ISCA1: variants seen among roughly 807,000 people sequenced by gnomAD.
ISCA1 encodes iron-sulfur cluster assembly 1 homolog, mitochondrial.
ISCA1 carries 9 observed loss-of-function variants against 14.7 expected under a neutral mutation model. The ratio of observed to expected loss-of-function variants is 0.61; its 90% CI spans 0.37 to 1.07. The LOEUF (loss-of-function observed/expected upper bound fraction) is 1.07, where lower values mean the gene tolerates loss of function less well. Ranked by LOEUF, ISCA1 falls within the 50% of genes least tolerant of loss-of-function variation. The pLI is 0.01. For synonymous variants in ISCA1, 38 were observed against 54.3 expected, an observed-to-expected ratio of 0.70 and a Z score of 1.32; for missense variants, 102 against 150.1, an observed-to-expected ratio of 0.68 and a Z score of 1.67.
intron 1 of ISCA1, among the ~76,000 whole-genome samples, chr9:86,281,362 T>C (rs1288241421): frequency 6.6e-6 from 1 of 152,248 alleles, no homozygotes; most frequent in Non-Finnish European, 1.5e-5. Context: ...ATAGGCCCTT[T>C]TGGCATTAGA....
chr9:86,278,527 A>T (rs1825469668), intron 1 of ISCA1, among the ~76,000 whole-genome samples: 1 of 152,014 alleles, frequency 6.6e-6, no homozygotes, highest in African/African-American at 2.4e-5. Flanking sequence ...AAAAATTAGC[A>T]GTCAAGGTGA....
In ISCA1 at chr9:86,264,569, AT is replaced by A. The variant is rs375647754; in HGVS notation, c.*1473del. ...AATTTTATGATCACAAAGAGGCCAC[AT>A]TTTTTTTAATTGACAACTCAATCTC... On this transcript the variant is annotated 3_prime_UTR_variant, in exon 4 of 4. Transcript: ENST00000375991. 1,898 of 152,418 alleles carry A rather than the reference AT, an allele frequency of 0.012. 33 individuals carry two copies. The highest frequency in any genetic ancestry group is 0.042 in the African/African-American group (1,753 of 41,474). 9.4% of individuals were successfully genotyped at this position (152,418 alleles called of 1,614,324 possible). A position where few individuals can be genotyped will look rare whatever the true frequency, so the allele number is the denominator to read the frequency against.
intron 1 of ISCA1, among the ~76,000 whole-genome samples, chr9:86,280,432 A>T (rs377472789): frequency 8.6e-5 from 13 of 151,504 alleles, no homozygotes; most frequent in African/African-American, 2.7e-4. Context: ...AAAAATACAA[A>T]AATAAATAAA....
Position 86,265,316 on chromosome 9 carries a change from T to C in ISCA1, c.*727A>G, listed in dbSNP as rs1825281665. ...GTGGACAGGAGCCCTTTGGCTTCCC[T>C]GGGGTTTTGCTTCCTCACATAGGGA... On this transcript the variant is annotated 3_prime_UTR_variant, in exon 4 of 4. Transcript: ENST00000375991. 2 of 152,168 alleles carry C rather than the reference T, an allele frequency of 1.3e-5. No homozygotes were observed. Among genetic ancestry groups the C allele is most frequent in the African/African-American group, 4.8e-5 (2 of 41,414 alleles). 9.4% of individuals were successfully genotyped at this position (152,168 alleles called of 1,614,324 possible).
intron 1 of ISCA1, among the ~76,000 whole-genome samples, chr9:86,279,355 A>T (rs569683527): frequency 6.6e-6 from 1 of 152,356 alleles, no homozygotes; most frequent in Non-Finnish European, 1.5e-5. Context: ...TCTGTCTGCA[A>T]GCAGGGCACT....
chr9:86,269,087 C>G (rs1217673119), intron 3 of ISCA1, among the ~76,000 whole-genome samples: 1 of 152,164 alleles, frequency 6.6e-6, no homozygotes, highest in East Asian at 1.9e-4. Context: ...AGCCACCACG[C>G]CTGGCCAGTG....
At chr9:86,274,360 G>C in intron 1 of ISCA1, 118 bp from the exon 2 acceptor site, 1 of 678,650 alleles carries the variant, frequency 1.5e-6, no homozygotes. Context: ...TTCCATTCTT[G>C]CCAGGGTACC....
intron 1 of ISCA1, among the ~76,000 whole-genome samples, chr9:86,276,818 C>T (rs959296194): frequency 3.0e-5 from 4 of 131,522 alleles, no homozygotes; most frequent in African/African-American, 8.6e-5. Context: ...CTGCAGTAAG[C>T]CGAGATCATG....
chr9:86,275,219 T>TA (rs1825425847), intron 1 of ISCA1, among the ~76,000 whole-genome samples: 2 of 152,218 alleles, frequency 1.3e-5, no homozygotes, highest in South Asian at 4.1e-4. Flanking sequence ...TTATTATGAT[T>TA]ATGAGAGTAC....
rs146369084 is a variant in ISCA1 at position 86,282,517 on chromosome 9, C to G, written c.-59G>C. ...GAAGGTCGGCCGCCTCAGCTTCTCTCCATGGACACGGCGGGCGCATTGACG... is the reference window on the plus strand; with the variant it reads ...GAAGGTCGGCCGCCTCAGCTTCTCTGCATGGACACGGCGGGCGCATTGACG... On this transcript the variant is annotated 5_prime_UTR_variant, in exon 1 of 4. Coordinates refer to ENST00000375991, the MANE Select transcript of ISCA1 (RefSeq NM_030940.4). 2,801 of 1,549,666 alleles carry G rather than the reference C, an allele frequency of 1.8e-3. 29 individuals carry two copies. In the African/African-American group the frequency reaches 0.028, roughly 16 times the overall value.
At position 86,269,548 on chromosome 9, in the gene ISCA1, T is replaced by A. The variant is rs992402807; in HGVS notation, c.241+2459A>T. On this transcript the variant is annotated intron_variant, in intron 3 of 3. Coordinates refer to ENST00000375991, the MANE Select transcript of ISCA1 (RefSeq NM_030940.4). ...ATTTATAGATTCAATGCCATCCCCA[T>A]CAAGCTACCAATGACTTTCTTCACA... 1.2e-3 allele frequency among the ~76,000 whole-genome samples: 187 copies of A among 151,934 alleles called. 1 individual carries two copies. The highest frequency in any genetic ancestry group is 4.2e-3 in the African/African-American group (172 of 41,444).
intron 2 of ISCA1, among the ~76,000 whole-genome samples, chr9:86,272,337 G>C (rs751788092): frequency 6.6e-6 from 1 of 152,228 alleles, no homozygotes; most frequent in Non-Finnish European, 1.5e-5. Context: ...GAGCCACCCC[G>C]TCCAGCCTGG....
intron 1 of ISCA1, among the ~76,000 whole-genome samples, chr9:86,277,102 C>T (rs889124090): frequency 6.6e-6 from 1 of 152,030 alleles, no homozygotes; most frequent in Admixed American, 6.6e-5. Context: ...TTTGGTTTTA[C>T]AAAGTCATCT....
chr9:86,277,494 A>ATT (rs1422282057), intron 1 of ISCA1, among the ~76,000 whole-genome samples: 8 of 152,312 alleles, frequency 5.3e-5, no homozygotes, highest in African/African-American at 1.9e-4. Context: ...AAATCGAGCT[A>ATT]TAAGAGGTAC....
intron 3 of ISCA1, among the ~76,000 whole-genome samples, chr9:86,268,824 T>C (rs1825326764): frequency 6.6e-6 from 1 of 152,112 alleles, no homozygotes; most frequent in African/African-American, 2.4e-5. Flanking sequence ...AGACAGAGTC[T>C]CACTTTTTCA....
intron 2 of ISCA1, among the ~76,000 whole-genome samples, chr9:86,272,543 A>T (rs1825383813): frequency 6.6e-6 from 1 of 152,226 alleles, no homozygotes; most frequent in African/African-American, 2.4e-5. Flanking sequence ...TACAGACAAA[A>T]GAAGTTTAAA....
At chr9:86,273,800 T>C (rs1445360697) in intron 2 of ISCA1, among the ~76,000 whole-genome samples, 2 of 152,138 alleles carry the variant, frequency 1.3e-5, no homozygotes, top group African/African-American at 4.8e-5. Flanking sequence ...TGTGGATTCT[T>C]TGGTTGAGGC....
Position 86,274,211 on chromosome 9 carries a change from A to T in ISCA1, c.113T>A (p.Leu38His), listed in dbSNP as rs2131224233. 6.3e-7 allele frequency: 1 copy of T among 1,590,556 alleles called. No homozygotes were observed. Among genetic ancestry groups the T allele is most frequent in the East Asian group, 2.2e-5 (1 of 44,660 alleles). Residue 38 changes from leucine to histidine, a missense_variant, in exon 2 of 4, where the codon CTT becomes CAT. Leu to His is a moderately conservative substitution (Grantham distance 99, BLOSUM62 -3). Transcript: ENST00000375991. ...TACATGCTCAGGCTTATCTTTAAGA[A>T]GTTGTTTTATCTTGTTTACTGCTGA... ...TPSAVNKIKQ[L>H]LKDKPEHVGV...
chr9:86,280,652 T>C (rs1235965999), intron 1 of ISCA1, among the ~76,000 whole-genome samples: 4 of 146,106 alleles, frequency 2.7e-5, no homozygotes, highest in Admixed American at 2.0e-4. Context: ...CAAATGGTGA[T>C]GGAGAAAGAC....
Sources: allele counts gnomAD v4.1 joint callset (sites outside exome capture counted in the v4.1 genomes callset), GRCh38; gene constraint gnomAD v4.1.1; transcripts MANE v1.5; gene names NCBI Gene and HGNC (gene_info 2026-07-23, HGNC 2026-07-21).